Variants in ADAMTS19 observed in about 807,000 individuals in gnomAD.
ADAMTS19 encodes the protein ADAM metallopeptidase with thrombospondin type 1 motif 19.
Under a neutral mutation model 153.3 loss-of-function variants are expected in ADAMTS19, and 93 were observed. That is an observed-to-expected ratio of 0.61 (90% confidence interval 0.51 to 0.72). ADAMTS19 has a LOEUF of 0.72. Among genes scored for constraint, ADAMTS19 ranks in the 30% least tolerant of loss-of-function variants. ADAMTS19 has a pLI of 0.00. For missense variants in ADAMTS19, 1,482 were observed against 1,552.1 expected (o/e 0.95, Z 0.76); for synonymous variants, 600 against 556.6 (o/e 1.08, Z -1.10).
intron 13 of ADAMTS19, 124 bp downstream of exon 13, chr5:129,649,094 A>G (rs30676): frequency 0.15 from 141,220 of 921,040 alleles, 12,975 homozygotes; most frequent in East Asian, 0.36. Context: ...AATTTTTTCT[A>G]CCTGTATGGA....
chr5:129,697,340 T>A (rs1755606526), intron 19 of ADAMTS19, among the ~76,000 whole-genome samples: 1 of 151,688 alleles, frequency 6.6e-6, no homozygotes, highest in Non-Finnish European at 1.5e-5. Flanking sequence ...GAGAGGAGGG[T>A]CCATTCAATC....
intron 2 of ADAMTS19, among the ~76,000 whole-genome samples, chr5:129,473,609 A>G (rs1280749033): frequency 6.6e-6 from 1 of 152,166 alleles, no homozygotes; most frequent in African/African-American, 2.4e-5. Flanking sequence ...CTGCCTGTTC[A>G]TAAATTTAAT....
intron 8 of ADAMTS19, among the ~76,000 whole-genome samples, chr5:129,614,101 A>G (rs146121790): frequency 0.088 from 13,470 of 152,234 alleles, 682 homozygotes; most frequent in African/African-American, 0.11. Flanking sequence ...GAATTCTACC[A>G]GAGGTACAAG....
At chr5:129,567,564 C>A (rs988814076) in intron 7 of ADAMTS19, among the ~76,000 whole-genome samples, 3 of 152,024 alleles carry the variant, frequency 2.0e-5, no homozygotes, top group African/African-American at 7.2e-5. Context: ...GGAATAAAAT[C>A]TCTCTGGATA....
At chr5:129,660,735 T>C (rs1230825117) in intron 15 of ADAMTS19, among the ~76,000 whole-genome samples, 1 of 152,184 alleles carries the variant, frequency 6.6e-6, no homozygotes, top group African/African-American at 2.4e-5. Context: ...ATTTGGAAAA[T>C]ATCAGAAGTG....
chr5:129,530,664 G>T (rs980697393), intron 6 of ADAMTS19, among the ~76,000 whole-genome samples: 12 of 152,006 alleles, frequency 7.9e-5, no homozygotes, highest in Admixed American at 5.9e-4. Flanking sequence ...CTCTGAAAGG[G>T]TATCTATCGA....
intron 7 of ADAMTS19, among the ~76,000 whole-genome samples, chr5:129,585,822 C>G (rs1352543210): frequency 6.6e-6 from 1 of 152,136 alleles, no homozygotes; most frequent in East Asian, 1.9e-4. Context: ...TTATTTCCAG[C>G]TTGTATTGTG....
chr5:129,636,443 T>C (rs560865674), intron 10 of ADAMTS19, among the ~76,000 whole-genome samples: 4 of 152,350 alleles, frequency 2.6e-5, no homozygotes, highest in Admixed American at 2.6e-4. Flanking sequence ...GCCTCCATTA[T>C]ATAGATATTA....
At chr5:129,604,076 G>A (rs1228431366) in intron 8 of ADAMTS19, among the ~76,000 whole-genome samples, 1 of 152,032 alleles carries the variant, frequency 6.6e-6, no homozygotes, top group Non-Finnish European at 1.5e-5. Flanking sequence ...GAGACAGGGA[G>A]GGGAACAACT....
chr5:129,715,223 C>G (rs1006682205), intron 21 of ADAMTS19, among the ~76,000 whole-genome samples: 1 of 152,024 alleles, frequency 6.6e-6, no homozygotes, highest in Non-Finnish European at 1.5e-5. Context: ...TTATAAAACT[C>G]GTTAACAGTT....
intron 2 of ADAMTS19, among the ~76,000 whole-genome samples, chr5:129,486,137 G>C (rs1053805770): frequency 3.3e-5 from 5 of 152,066 alleles, no homozygotes; most frequent in Non-Finnish European, 7.4e-5. Flanking sequence ...GAACATTCCA[G>C]ACCCAAATGA....
chr5:129,536,415 G>A (rs903891578), intron 6 of ADAMTS19, among the ~76,000 whole-genome samples: 21 of 152,326 alleles, frequency 1.4e-4, no homozygotes, highest in African/African-American at 4.8e-4. Context: ...GGAAACAACA[G>A]GTGCTGGAGA....
intron 16 of ADAMTS19, 39 bp from the exon 17 acceptor site, chr5:129,679,725 A>T (rs1392086723): frequency 3.4e-6 from 5 of 1,472,692 alleles, no homozygotes; most frequent in Non-Finnish European, 4.6e-6. Flanking sequence ...AATGAAGCTG[A>T]CTTGTTAATA....
intron 11 of ADAMTS19, among the ~76,000 whole-genome samples, chr5:129,647,214 G>GAAAAAAAAA (rs34958335): frequency 5.9e-5 from 6 of 102,282 alleles, no homozygotes; most frequent in African/African-American, 1.0e-4. Flanking sequence ...AATTCTTTCA[G>GAAAAAAAAA]AAAAAAAAAA....
Position 129,654,347 on chromosome 5 carries a change from C to T in ADAMTS19, c.2218C>T (p.Gln740Ter). The T allele has an allele frequency of 6.2e-7, 1 of 1,612,566 alleles. No individual in the cohort carries two copies. Among genetic ancestry groups the T allele is most frequent in the East Asian group, 2.2e-5 (1 of 44,800 alleles). The change falls in exon 14 of 23, where the codon CAG (glutamine) becomes TAG (stop). Residue 740 changes from glutamine to a stop codon, truncating the protein, a stop_gained. Transcript: ENST00000274487. LOFTEE classifies it high-confidence loss of function. ...ALFCSPVGKE[Q>*]PILLSEKVMD... ...GTTTTGCTCTCCTGTTGGAAAAGAACAGCCTATTCTTCTATCAGAAAAAGT... is the reference window on the plus strand; with the variant it reads ...GTTTTGCTCTCCTGTTGGAAAAGAATAGCCTATTCTTCTATCAGAAAAAGT...
chr5:129,502,667 G>A (rs1420961904), intron 2 of ADAMTS19, among the ~76,000 whole-genome samples: 1 of 152,206 alleles, frequency 6.6e-6, no homozygotes, highest in Admixed American at 6.6e-5. Context: ...GAAATGCCCA[G>A]TGGAAGAAAT....
At chr5:129,665,665 C>A (rs1419060037) in intron 16 of ADAMTS19, 86 bp downstream of exon 16, 2 of 1,062,580 alleles carry the variant, frequency 1.9e-6, no homozygotes, top group Admixed American at 2.5e-5. Flanking sequence ...GGAAGTCAAT[C>A]TGTTTCTAGT....
At chr5:129,462,316 A>AGTT (rs370306877) in intron 2 of ADAMTS19, among the ~76,000 whole-genome samples, 1 of 152,278 alleles carries the variant, frequency 6.6e-6, no homozygotes, top group African/African-American at 2.4e-5. Context: ...TTGTGAAAGG[A>AGTT]GTTGGGAGGG....
At chr5:129,622,020 A>T (rs1390963764) in intron 9 of ADAMTS19, among the ~76,000 whole-genome samples, 178 bp from the exon 10 acceptor site, 1 of 152,154 alleles carries the variant, frequency 6.6e-6, no homozygotes, top group East Asian at 1.9e-4. Flanking sequence ...ATTTATTACG[A>T]TTATCTTCAT....
Sources: gnomAD v4.1 joint callset for allele counts (sites outside exome capture counted in the v4.1 genomes callset) on GRCh38, gnomAD v4.1.1 for gene constraint, MANE v1.5 for transcripts, NCBI Gene and HGNC (gene_info 2026-07-23, HGNC 2026-07-21) for gene names.